Variants in OPRM1 observed in about 807,000 individuals in gnomAD.
The protein encoded by OPRM1 is mu-type opioid receptor.
A neutral mutation model predicts 31.8 loss-of-function variants in OPRM1; 27 were observed. The ratio of observed to expected loss-of-function variants is 0.85; its 90% CI spans 0.63 to 1.17. The LOEUF (loss-of-function observed/expected upper bound fraction) is 1.17. Ranked by LOEUF, OPRM1 falls within the 50% of genes most tolerant of loss-of-function variation. The pLI, the probability that OPRM1 is intolerant of heterozygous loss-of-function variation, is 0.00. For synonymous variants in OPRM1, 196 were observed against 189.9 expected, an observed-to-expected ratio of 1.03 and a Z score of -0.26; for missense variants, 536 against 511.1, an observed-to-expected ratio of 1.05 and a Z score of -0.47.
chr6:154,203,255 C>A (rs1002682217), intron 3 of OPRM1, among the ~76,000 whole-genome samples: 25 of 152,128 alleles, frequency 1.6e-4, no homozygotes, highest in Non-Finnish European at 1.6e-4. Context: ...GCCCAACCTT[C>A]GTGTGTCTGT....
At chr6:154,099,684 T>G (rs914298410) in intron 3 of OPRM1, among the ~76,000 whole-genome samples, 10 of 143,798 alleles carry the variant, frequency 7.0e-5, no homozygotes, top group Admixed American at 1.3e-4. Flanking sequence ...CACACATATA[T>G]ATGATGTGGG....
intron 3 of OPRM1, among the ~76,000 whole-genome samples, chr6:154,195,013 C>T (rs1776470931): frequency 6.6e-6 from 1 of 151,794 alleles, no homozygotes; most frequent in African/African-American, 2.4e-5. Context: ...CTGCAGAACC[C>T]CTCATCTCCC....
chr6:154,045,652 G>A (rs538661940), intron 1 of OPRM1, among the ~76,000 whole-genome samples: 3 of 152,284 alleles, frequency 2.0e-5, no homozygotes, highest in Non-Finnish European at 2.9e-5. Context: ...TACCTCAGCC[G>A]TTGATATGGC....
intron 3 of OPRM1, among the ~76,000 whole-genome samples, chr6:154,192,512 G>C (rs999384782): frequency 1.6e-4 from 25 of 152,042 alleles, no homozygotes; most frequent in African/African-American, 5.8e-4. Flanking sequence ...CCAAACATTT[G>C]AACTTAATTA....
chr6:154,036,023 C>T (rs1248753562), upstream of OPRM1, among the ~76,000 whole-genome samples: 1 of 151,932 alleles, frequency 6.6e-6, no homozygotes, highest in Admixed American at 6.5e-5. Flanking sequence ...ATTTGCAGTC[C>T]ATCTCCTTTT....
At chr6:154,063,042 C>T (rs1784702755) in intron 1 of OPRM1, among the ~76,000 whole-genome samples, 1 of 151,962 alleles carries the variant, frequency 6.6e-6, no homozygotes, top group Non-Finnish European at 1.5e-5. Flanking sequence ...GTTAAATCTC[C>T]AGAAAACACA....
chr6:154,083,930 G>C (rs1023171823), intron 1 of OPRM1, among the ~76,000 whole-genome samples: 11 of 136,664 alleles, frequency 8.0e-5, no homozygotes, highest in Non-Finnish European at 1.4e-4. Context: ...GGCGACAAAG[G>C]GAGACTCCGT....
At chr6:154,150,090 G>A (rs4869818) in intron 3 of OPRM1, among the ~76,000 whole-genome samples, 81,319 of 152,012 alleles carry the variant, frequency 0.53, 22,028 homozygotes, top group Middle Eastern at 0.62. Context: ...ACTTCTCTGG[G>A]CACTTGCGTC....
intron 1 of OPRM1, among the ~76,000 whole-genome samples, chr6:154,018,481 A>G (rs1000178431): frequency 3.4e-5 from 5 of 147,904 alleles, no homozygotes; most frequent in East Asian, 3.9e-4. Flanking sequence ...GTTCTTTCTC[A>G]TTTTCTATTG....
At chr6:154,176,429 A>G (rs71567968) in intron 3 of OPRM1, among the ~76,000 whole-genome samples, 13,152 of 152,218 alleles carry the variant, frequency 0.086, 803 homozygotes, top group African/African-American at 0.17. Flanking sequence ...AAACCCCATC[A>G]TCTCAGCCCA....
At position 154,061,898 on chromosome 6, in the gene OPRM1, A is replaced by G. The variant is rs775721391; in HGVS notation, c.290+22064A>G. ...CACTAAGAAGATTTTATGGCGAACA[A>G]AAGTAATTATGAAAATATAATGCGT... On this transcript the variant is annotated intron_variant, in intron 1 of 3. Coordinates refer to ENST00000330432, the MANE Select transcript of OPRM1 (RefSeq NM_000914.5). 2.6e-5 allele frequency among the ~76,000 whole-genome samples: 4 copies of G among 152,336 alleles called. No individual in the cohort carries two copies. In the East Asian group the frequency reaches 7.7e-4, roughly 29 times the overall value.
chr6:154,199,777 T>G (rs2128591262), intron 3 of OPRM1: 1 of 1,614,248 alleles, frequency 6.2e-7, no homozygotes, highest in East Asian at 2.2e-5. Context: ...AAAATCCACT[T>G]TCTGATGTGA....
chr6:154,189,912 C>G (rs367676640), intron 3 of OPRM1, among the ~76,000 whole-genome samples: 3 of 151,610 alleles, frequency 2.0e-5, no homozygotes, highest in Non-Finnish European at 4.4e-5. Context: ...CCACTACACT[C>G]CAGCCTGGGC....
rs1196127864 is a variant in OPRM1 at position 154,131,580 on chromosome 6, ACAG to A, written c.*12860_*12862del. Among the ~76,000 whole-genome samples the A allele has an allele frequency of 2.0e-5, 3 of 152,254 alleles. No homozygotes were observed. The highest frequency in any genetic ancestry group is 2.9e-5 in the Non-Finnish European group (2 of 68,054). Reference sequence around the variant, plus strand: ...GTATGCCAGGGTGACATTTTAATTTACAGTAGTCCAGACACCTAAACAGGACAT... The same window carrying A: ...GTATGCCAGGGTGACATTTTAATTTATAGTCCAGACACCTAAACAGGACAT... On this transcript the variant is annotated 3_prime_UTR_variant, in exon 4 of 4. Transcript: ENST00000330432.
chr6:154,223,057 C>T, intron 3 of OPRM1: 1 of 834,376 alleles, frequency 1.2e-6, no homozygotes, highest in Non-Finnish European at 2.0e-6. Flanking sequence ...TTCAAATTCT[C>T]AGACATTCCG....
intron 3 of OPRM1, among the ~76,000 whole-genome samples, chr6:154,234,905 C>T (rs1282753605): frequency 1.3e-5 from 2 of 152,124 alleles, no homozygotes; most frequent in Non-Finnish European, 2.9e-5. Context: ...TGTCCTCTGC[C>T]GTGTAAAATC....
At chr6:154,017,232 T>G (rs1330969203) in intron 1 of OPRM1, among the ~76,000 whole-genome samples, 1 of 152,192 alleles carries the variant, frequency 6.6e-6, no homozygotes, top group Non-Finnish European at 1.5e-5. Context: ...CTCTTTTAAC[T>G]AAGTACTTGG....
intron 3 of OPRM1, among the ~76,000 whole-genome samples, chr6:154,244,025 G>A (rs1198570393): frequency 6.6e-6 from 1 of 152,230 alleles, no homozygotes; most frequent in Non-Finnish European, 1.5e-5. Flanking sequence ...CTGAGGAAGT[G>A]TAGGGACGGG....
intron 3 of OPRM1, chr6:154,110,452 G>A (rs748366142): frequency 3.5e-5 from 46 of 1,319,762 alleles, no homozygotes; most frequent in Non-Finnish European, 4.6e-5. Context: ...AAGATTGGAA[G>A]CCAGAGAGCC....
Sources: gnomAD v4.1 joint callset for allele counts (sites outside exome capture counted in the v4.1 genomes callset) on GRCh38, gnomAD v4.1.1 for gene constraint, MANE v1.5 for transcripts, NCBI Gene and HGNC (gene_info 2026-07-23, HGNC 2026-07-21) for gene names.